ADAMTSL3: variants seen among roughly 807,000 people sequenced by gnomAD.
ADAMTSL3 encodes the protein ADAMTS-like protein 3.
A neutral mutation model predicts 201.7 loss-of-function variants in ADAMTSL3; 128 were observed. That is an observed-to-expected ratio of 0.63 (90% confidence interval 0.55 to 0.73). ADAMTSL3 has a LOEUF of 0.73. ADAMTSL3 is among the 30% of genes least tolerant of loss of function. The pLI is 0.00. For missense variants in ADAMTSL3, 1,990 were observed against 2,119.6 expected, an observed-to-expected ratio of 0.94 and a Z score of 1.20; for synonymous variants, 738 against 748.4, an observed-to-expected ratio of 0.99 and a Z score of 0.23.
intron 23 of ADAMTSL3, among the ~76,000 whole-genome samples, chr15:83,999,354 TA>T (rs1365445599): frequency 2.0e-5 from 3 of 152,330 alleles, no homozygotes; most frequent in South Asian, 2.1e-4. Flanking sequence ...TCATTTGGAT[TA>T]TTTTTTTAAA....
chr15:84,037,905 A>G lies in ADAMTSL3; in HGVS notation c.*99A>G. The G allele has an allele frequency of 1.4e-6, 2 of 1,461,056 alleles. No individual in the cohort carries two copies. The highest frequency in any genetic ancestry group is 2.4e-5 in the East Asian group (1 of 41,446). 90.5% of individuals were successfully genotyped at this position (1,461,056 alleles called of 1,614,324 possible). On this transcript the variant is annotated 3_prime_UTR_variant, in exon 30 of 30. Transcript: ENST00000286744. Reference sequence around the variant, plus strand: ...TTCAAAAACATGTATTTCTTAAAAGACTAGATTCTATGGATCAAACAGAGG... The same window carrying G: ...TTCAAAAACATGTATTTCTTAAAAGGCTAGATTCTATGGATCAAACAGAGG...
intron 6 of ADAMTSL3, among the ~76,000 whole-genome samples, chr15:83,821,320 G>A (rs1312203514): frequency 2.7e-5 from 4 of 150,566 alleles, no homozygotes; most frequent in Non-Finnish European, 5.9e-5. Context: ...TAGGACAATA[G>A]TGGAGGGAAG....
chr15:83,701,032 G>C (rs2061769209), intron 2 of ADAMTSL3, among the ~76,000 whole-genome samples: 1 of 152,192 alleles, frequency 6.6e-6, no homozygotes, highest in African/African-American at 2.4e-5. Flanking sequence ...TTGAGAATGA[G>C]TCCATTGGAG....
chr15:83,705,050 CAT>C (rs1381994983), intron 3 of ADAMTSL3, among the ~76,000 whole-genome samples: 6 of 151,970 alleles, frequency 3.9e-5, no homozygotes, highest in South Asian at 2.1e-4. Context: ...GCTTGGCTGA[CAT>C]GTGTAAGCTG....
rs181539959 is a variant in ADAMTSL3 at position 83,860,752 on chromosome 15, C to T, written c.802+1912C>T. Among the ~76,000 whole-genome samples the T allele has an allele frequency of 5.9e-5, 9 of 152,272 alleles. No individual in the cohort carries two copies. The East Asian group carries it at 7.7e-4, about 13-fold the overall frequency. On this transcript the variant is annotated intron_variant, in intron 8 of 29. Coordinates refer to ENST00000286744, the MANE Select transcript of ADAMTSL3 (RefSeq NM_207517.3). ...CTCCCAGCATGAGTGACGTAGAAGA[C>T]GGGTGATTTCTGCATTTCCAACTGA...
intron 2 of ADAMTSL3, among the ~76,000 whole-genome samples, chr15:83,670,807 A>G (rs1056568673): frequency 1.3e-5 from 2 of 152,210 alleles, no homozygotes; most frequent in African/African-American, 4.8e-5. Context: ...ACTGATGTCT[A>G]TTGTAACTCT....
intron 19 of ADAMTSL3, chr15:83,961,754 AT>A (rs903407746): frequency 1.3e-5 from 2 of 152,248 alleles, no homozygotes; most frequent in African/African-American, 4.8e-5. Flanking sequence ...AGATACAGAG[AT>A]GACTCAAAAC....
chr15:83,850,511 T>G (rs1449266416), intron 7 of ADAMTSL3, among the ~76,000 whole-genome samples: 1 of 146,416 alleles, frequency 6.8e-6, no homozygotes, highest in Non-Finnish European at 1.5e-5. Context: ...AAAAATATTT[T>G]TAAATTATAT....
At chr15:83,952,385 T>C (rs371419639) in intron 19 of ADAMTSL3, among the ~76,000 whole-genome samples, 2 of 152,186 alleles carry the variant, frequency 1.3e-5, no homozygotes, top group African/African-American at 4.8e-5. Flanking sequence ...ATGGTCTGTT[T>C]TTGAGAATAA....
chr15:83,743,103 A>G (rs541477878), intron 3 of ADAMTSL3, among the ~76,000 whole-genome samples: 1 of 152,266 alleles, frequency 6.6e-6, no homozygotes, highest in Non-Finnish European at 1.5e-5. Context: ...TAACTTTACT[A>G]CACTAGCTCC....
intron 5 of ADAMTSL3, 25 bp from the exon 6 acceptor site, chr15:83,819,786 T>C (rs1490699804): frequency 6.4e-7 from 1 of 1,572,966 alleles, no homozygotes; most frequent in Non-Finnish European, 8.7e-7. Flanking sequence ...GTGATGTGCA[T>C]GTGGCCTTTT....
At position 83,913,237 on chromosome 15, in the gene ADAMTSL3, A is replaced by G; in HGVS notation, c.1846A>G (p.Thr616Ala). 1 of 1,614,108 alleles carries G rather than the reference A, an allele frequency of 6.2e-7. No homozygotes were observed. The highest frequency in any genetic ancestry group is 1.1e-5 in the South Asian group (1 of 91,082). ...EEECEGPKLP[T>A]ERPCLLEACD... The stretch of plus-strand genomic sequence containing the variant: ...AGAGTGTGAAGGCCCCAAGCTGCCC[A>G]CCGAACGGCCCTGCCTCCTGGAAGC... Residue 616 changes from threonine (T) to alanine (A), a missense_variant, in exon 16 of 30, where the codon ACC (threonine) becomes GCC (alanine). Physicochemically the swap from Thr to Ala is moderately conservative, Grantham distance 58. Transcript: ENST00000286744.
At chr15:83,791,724 G>A (rs932044947) in intron 4 of ADAMTSL3, among the ~76,000 whole-genome samples, 2 of 152,002 alleles carry the variant, frequency 1.3e-5, no homozygotes, top group African/African-American at 2.4e-5. Context: ...GCCGGGCATG[G>A]TAGCGGGCGC....
chr15:83,902,770 C>T (rs2065751804), intron 15 of ADAMTSL3, among the ~76,000 whole-genome samples: 2 of 152,148 alleles, frequency 1.3e-5, no homozygotes, highest in Non-Finnish European at 2.9e-5. Context: ...TTCTTGCCCA[C>T]AGCAAGCTGC....
intron 28 of ADAMTSL3, among the ~76,000 whole-genome samples, chr15:84,032,054 G>A (rs575606219): frequency 2.8e-4 from 42 of 152,300 alleles, no homozygotes; most frequent in African/African-American, 8.4e-4. Context: ...CCAGCAGAAA[G>A]TGGGGAGAGA....
Position 83,943,089 on chromosome 15 carries a change from G to A in ADAMTSL3, c.2490+7G>A. 6.3e-7 allele frequency: 1 copy of A among 1,599,006 alleles called. No homozygotes were observed. Among genetic ancestry groups the A allele is most frequent in the Non-Finnish European group, 8.5e-7 (1 of 1,174,472 alleles). The stretch of plus-strand genomic sequence containing the variant: ...TGTGGGAGACTGGTCGAAGGTAAGG[G>A]CCAGGCTCAACTTTATAGTCCCTTC... On this transcript the variant is annotated splice_region_variant and intron_variant, in intron 19 of 29. Transcript: ENST00000286744.
intron 15 of ADAMTSL3, among the ~76,000 whole-genome samples, chr15:83,900,129 G>C (rs534486334): frequency 6.6e-6 from 1 of 152,170 alleles, no homozygotes; most frequent in African/African-American, 2.4e-5. Context: ...TGCATTAGTC[G>C]CCTGAGTGAT....
intron 2 of ADAMTSL3, among the ~76,000 whole-genome samples, chr15:83,664,574 A>AT (rs2061222218): frequency 6.6e-6 from 1 of 151,734 alleles, no homozygotes; most frequent in African/African-American, 2.4e-5. Context: ...ACTAACTCCC[A>AT]TTTTTCCCAT....
At chr15:83,968,713 T>C (rs982120336) in intron 19 of ADAMTSL3, among the ~76,000 whole-genome samples, 3 of 152,232 alleles carry the variant, frequency 2.0e-5, no homozygotes, top group African/African-American at 7.2e-5. Context: ...TGCACACATA[T>C]GTTTATTGCA....
Sources: gnomAD v4.1 joint callset for allele counts (sites outside exome capture counted in the v4.1 genomes callset) on GRCh38, gnomAD v4.1.1 for gene constraint, MANE v1.5 for transcripts, NCBI Gene and HGNC (gene_info 2026-07-23, HGNC 2026-07-21) for gene names.